The following SOX13 variants were observed in gnomAD, a reference collection of about 807,000 sequenced individuals.
SOX13 encodes the protein transcription factor SOX-13.
SOX13 carries 28 observed loss-of-function variants against 71.8 expected under a neutral mutation model. The ratio of observed to expected loss-of-function variants is 0.39; its 90% confidence interval spans 0.29 to 0.53. SOX13 has a LOEUF of 0.53. SOX13 is among the 20% of genes least tolerant of loss of function. The pLI is 0.70. For synonymous variants in SOX13, 309 were observed against 317.8 expected (o/e 0.97, Z 0.29); for missense variants, 627 against 810.3 (o/e 0.77, Z 2.75).
At chr1:204,089,544 C>T (rs1447161962) in intron 1 of SOX13, among the ~76,000 whole-genome samples, 2 of 152,184 alleles carry the variant, frequency 1.3e-5, no homozygotes, top group African/African-American at 4.8e-5. Flanking sequence ...GAGGGGACCC[C>T]GGAAGAGGGG....
chr1:204,084,505 G>A (rs1655976223), intron 1 of SOX13, among the ~76,000 whole-genome samples: 1 of 152,184 alleles, frequency 6.6e-6, no homozygotes, highest in Admixed American at 6.5e-5. Context: ...GGCAGGTGCT[G>A]GCAGGGGCTG....
chr1:204,110,930 T>C (rs1260941981), intron 1 of SOX13, among the ~76,000 whole-genome samples: 4 of 152,104 alleles, frequency 2.6e-5, no homozygotes, highest in African/African-American at 9.7e-5. Flanking sequence ...AAAATGTATT[T>C]AACAGTGCTT....
At chr1:204,111,888 C>T (rs1656586403) in intron 1 of SOX13, among the ~76,000 whole-genome samples, 1 of 152,124 alleles carries the variant, frequency 6.6e-6, no homozygotes, top group African/African-American at 2.4e-5. Context: ...AAATCATTTA[C>T]TTTTACCTTA....
Position 204,117,631 on chromosome 1 carries a change from C to T in SOX13, c.699C>T (p.Pro233=). Residue 233 remains proline (P), a synonymous_variant, in exon 7 of 14, where the codon CCC becomes CCT. Coordinates refer to ENST00000367204, the MANE Select transcript of SOX13 (RefSeq NM_005686.3). ...NMPYVMIPAF[P]PSHQPLPVTP... is the part of the protein sequence containing the mutation. ...CTTATGTCATGATCCCAGCCTTCCC[C>T]CCAAGCCACCAACCTCTGCCTGTCA... The T allele has an allele frequency of 6.2e-7, 1 of 1,613,662 alleles. No individual in the cohort carries two copies. Among genetic ancestry groups the T allele is most frequent in the Non-Finnish European group, 8.5e-7 (1 of 1,179,788 alleles).
Position 204,127,540 on chromosome 1 carries a change from G to C in SOX13, c.*1406G>C, listed in dbSNP as rs892028306. 1.3e-5 allele frequency: 2 copies of C among 152,662 alleles called. No homozygotes were observed. The highest frequency in any genetic ancestry group is 2.4e-5 in the African/African-American group (1 of 41,438). The allele number at this position is 152,662 out of a possible 1,614,324, so 9.5% of individuals were successfully genotyped here. A position where few individuals can be genotyped will look rare whatever the true frequency, so the allele number is the denominator to read the frequency against. Reference sequence around the variant, plus strand: ...TCCCACAGGGCCAGATGTGGAGTCTGTGTCTGCCCCCGTCTTCTCTCCATC... The same window carrying C: ...TCCCACAGGGCCAGATGTGGAGTCTCTGTCTGCCCCCGTCTTCTCTCCATC... On this transcript the variant is annotated 3_prime_UTR_variant, in exon 14 of 14. Coordinates refer to ENST00000367204, the MANE Select transcript of SOX13 (RefSeq NM_005686.3).
intron 1 of SOX13, among the ~76,000 whole-genome samples, chr1:204,077,827 T>G (rs1353567253): frequency 6.6e-6 from 1 of 152,144 alleles, no homozygotes; most frequent in African/African-American, 2.4e-5. Flanking sequence ...GTTTGTTTGT[T>G]TTGAGATAGA....
At chr1:204,122,603 C>A in intron 9 of SOX13, 13 of 603,690 alleles carry the variant, frequency 2.2e-5, no homozygotes, top group South Asian at 2.0e-4. Flanking sequence ...GGATTCAGGC[C>A]AGAGTCACAT....
At chr1:204,096,116 A>G (rs1656245457) in intron 1 of SOX13, among the ~76,000 whole-genome samples, 1 of 151,356 alleles carries the variant, frequency 6.6e-6, no homozygotes, top group South Asian at 2.1e-4. Flanking sequence ...TGTGAGTAAT[A>G]TTGCTATGAG....
chr1:204,079,394 T>A (rs1363453197), intron 1 of SOX13, among the ~76,000 whole-genome samples: 1 of 136,710 alleles, frequency 7.3e-6, no homozygotes, highest in African/African-American at 2.8e-5. Flanking sequence ...CGCCCAGGCC[T>A]GAGTGCAGTG....
In SOX13 at chr1:204,122,105, C is replaced by G. The variant is rs17847486; in HGVS notation, c.861+120C>G. 4 of 1,042,062 alleles carry G rather than the reference C, an allele frequency of 3.8e-6. No homozygotes were observed. The Admixed American group carries it at 9.2e-5, about 24-fold the overall frequency. 64.6% of individuals were successfully genotyped at this position (1,042,062 alleles called of 1,614,324 possible). A position where few individuals can be genotyped will look rare whatever the true frequency, so the allele number is the denominator to read the frequency against. On this transcript the variant is annotated intron_variant, in intron 8 of 13. Transcript: ENST00000367204. ...CTGGCATCCTGTGTTCTTGTTCACC[C>G]GCTCCTTCTGCGTCCACTTTTCTGT... is the stretch of plus-strand genomic sequence containing the variant.
chr1:204,114,472 A>G (rs752292341), intron 3 of SOX13, 40 bp downstream of exon 3: 11 of 1,605,346 alleles, frequency 6.9e-6, no homozygotes, highest in Non-Finnish European at 9.4e-6. Flanking sequence ...GGCCTGAGGC[A>G]GGGAGGTGTT....
chr1:204,122,454 G>A (rs1656829889), intron 9 of SOX13, 55 bp downstream of exon 9: 10 of 1,433,800 alleles, frequency 7.0e-6, no homozygotes, highest in South Asian at 2.5e-5. Flanking sequence ...GAGAGCCGGC[G>A]GCATGATGCG....
In SOX13 at chr1:204,109,005, C is replaced by T. The variant is rs1486040810; in HGVS notation, c.-1-3910C>T. Among the ~76,000 whole-genome samples, 5 of 152,326 alleles carry T rather than the reference C, an allele frequency of 3.3e-5. No homozygotes were observed. In the East Asian group the frequency reaches 9.7e-4, roughly 29 times the overall value. On this transcript the variant is annotated intron_variant, in intron 1 of 13. Coordinates refer to ENST00000367204, the MANE Select transcript of SOX13 (RefSeq NM_005686.3). ...CCCCCTCCCCAACTGCACCCACTCCCACTTCTCGCCCCCCTGCTCTCGGCC... is the reference window on the plus strand; with the variant it reads ...CCCCCTCCCCAACTGCACCCACTCCTACTTCTCGCCCCCCTGCTCTCGGCC...
intron 1 of SOX13, among the ~76,000 whole-genome samples, chr1:204,098,205 C>G (rs1057021664): frequency 1.3e-5 from 2 of 152,144 alleles, no homozygotes; most frequent in Non-Finnish European, 1.5e-5. Context: ...TGGCTGAACA[C>G]GGTGGCTCAT....
chr1:204,095,076 G>T (rs747574400), intron 1 of SOX13, among the ~76,000 whole-genome samples: 7 of 152,146 alleles, frequency 4.6e-5, no homozygotes, highest in South Asian at 4.1e-4. Flanking sequence ...CTCTCCAGGC[G>T]GGGAGGGCAT....
Position 204,123,507 on chromosome 1 carries a change from C to A in SOX13, c.1232-154C>A, listed in dbSNP as rs1352086254. 2.0e-5 allele frequency among the ~76,000 whole-genome samples: 3 copies of A among 152,156 alleles called. No individual in the cohort carries two copies. Among genetic ancestry groups the A allele is most frequent in the Non-Finnish European group, 4.4e-5 (3 of 68,034 alleles). On this transcript the variant is annotated intron_variant, in intron 11 of 13. Coordinates refer to ENST00000367204, the MANE Select transcript of SOX13 (RefSeq NM_005686.3). The surrounding 1 kb of genome is among the most constrained non-coding windows in gnomAD (Gnocchi z 5.0). ...CGGATAATTTGCTGTTTCTTCTGCCCCATCTGCTCCTGCCTTGCTCCTCCT... is the reference window on the plus strand; with the variant it reads ...CGGATAATTTGCTGTTTCTTCTGCCACATCTGCTCCTGCCTTGCTCCTCCT...
Position 204,081,689 on chromosome 1 carries a change from C to T in SOX13, c.-2+7978C>T, listed in dbSNP as rs551672789. On this transcript the variant is annotated intron_variant, in intron 1 of 13. Coordinates refer to ENST00000367204, the MANE Select transcript of SOX13 (RefSeq NM_005686.3). This position sits in a 1 kb window ranked among gnomAD's most constrained non-coding sequence, Gnocchi z 4.3. Reference sequence around the variant, plus strand: ...TGGCCACACAAGGCAGGACCTGGCACTCCTCAGAGTGGAGGGTGAGGAGGG... The same window carrying T: ...TGGCCACACAAGGCAGGACCTGGCATTCCTCAGAGTGGAGGGTGAGGAGGG... Among the ~76,000 whole-genome samples the T allele has an allele frequency of 6.6e-6, 1 of 152,318 alleles. No homozygotes were observed. The highest frequency in any genetic ancestry group is 6.5e-5 in the Admixed American group (1 of 15,288).
At chr1:204,076,544 G>A (rs1335645360) in intron 1 of SOX13, among the ~76,000 whole-genome samples, 1 of 152,158 alleles carries the variant, frequency 6.6e-6, no homozygotes, top group Admixed American at 6.6e-5. Context: ...AGGAATTTGG[G>A]TTTGTCACAA....
intron 1 of SOX13, among the ~76,000 whole-genome samples, chr1:204,088,703 T>C (rs1571569291): frequency 6.6e-6 from 1 of 152,096 alleles, no homozygotes; most frequent in South Asian, 2.1e-4. Flanking sequence ...AGATCAGACC[T>C]GACCTCTCTG....
Sources: allele counts gnomAD v4.1 joint callset (sites outside exome capture counted in the v4.1 genomes callset), GRCh38; gene constraint gnomAD v4.1.1; non-coding constraint Gnocchi (gnomAD v3.1); transcripts MANE v1.5; gene names NCBI Gene and HGNC (gene_info 2026-07-23, HGNC 2026-07-21).